OLFM3: variants seen among roughly 807,000 people sequenced by gnomAD.
OLFM3 encodes the protein noelin-3.
In OLFM3, 20 loss-of-function variants were observed where a neutral mutation model predicts 48.6. The ratio of observed to expected loss-of-function variants is 0.41; its 90% CI spans 0.29 to 0.60. OLFM3 has a LOEUF of 0.60. OLFM3 is among the 20% of genes least tolerant of loss of function. The probability of loss-of-function intolerance (pLI) is 0.28; values close to 1 mark genes in which losing one functional copy is unlikely to be tolerated. For missense variants in OLFM3, 437 were observed against 544.3 expected (o/e 0.80, Z 1.96); for synonymous variants, 222 against 198.1 (o/e 1.12, Z -1.01).
intron 1 of OLFM3, among the ~76,000 whole-genome samples, chr1:101,871,582 G>C (rs908983799): frequency 2.6e-5 from 4 of 151,994 alleles, no homozygotes; most frequent in African/African-American, 9.7e-5. Flanking sequence ...TCCTAAAACA[G>C]TTGAGAACTT....
intron 4 of OLFM3, among the ~76,000 whole-genome samples, chr1:101,811,470 G>A (rs1351956028): frequency 6.6e-6 from 1 of 151,996 alleles, no homozygotes; most frequent in East Asian, 1.9e-4. Context: ...AGAGCCTAAA[G>A]GAACTCAAAC....
chr1:101,986,128 G>A (rs1287633098), intron 1 of OLFM3, among the ~76,000 whole-genome samples: 1 of 151,940 alleles, frequency 6.6e-6, no homozygotes, highest in African/African-American at 2.4e-5. Flanking sequence ...ACCACGCCCG[G>A]CTAATTTTTT....
intron 3 of OLFM3, among the ~76,000 whole-genome samples, chr1:101,825,613 T>C (rs1654824094): frequency 6.6e-6 from 1 of 152,196 alleles, no homozygotes; most frequent in Non-Finnish European, 1.5e-5. Context: ...GCAGAATCCA[T>C]CTTCTAATTA....
chr1:101,832,857 ATATT>A (rs1655229813), intron 2 of OLFM3, among the ~76,000 whole-genome samples: 1 of 152,252 alleles, frequency 6.6e-6, no homozygotes, highest in Non-Finnish European at 1.5e-5. Flanking sequence ...AATTTTCAAA[ATATT>A]TAATCTAGCA....
chr1:101,910,090 TTG>T, intron 1 of OLFM3: 1 of 984,278 alleles, frequency 1.0e-6, no homozygotes, highest in South Asian at 4.7e-5. Flanking sequence ...TTCATATCCC[TTG>T]TCTCAGAGAA....
chr1:101,963,035 A>G (rs1194454392), intron 1 of OLFM3, among the ~76,000 whole-genome samples: 2 of 152,180 alleles, frequency 1.3e-5, no homozygotes, highest in African/African-American at 4.8e-5. Flanking sequence ...TCTTTCCTAC[A>G]GTTCAGTTGA....
chr1:101,975,460 G>T (rs376652614), intron 1 of OLFM3, among the ~76,000 whole-genome samples: 1 of 151,978 alleles, frequency 6.6e-6, no homozygotes, highest in African/African-American at 2.4e-5. Context: ...TTTTTGCGGC[G>T]GGTAGAGAAA....
intron 1 of OLFM3, among the ~76,000 whole-genome samples, chr1:101,957,438 A>G (rs894060480): frequency 1.3e-5 from 2 of 152,022 alleles, no homozygotes; most frequent in African/African-American, 4.8e-5. Context: ...GATGGCAAAA[A>G]TGGGAAAAAG....
chr1:101,847,256 C>T (rs1443325626), intron 1 of OLFM3, among the ~76,000 whole-genome samples: 1 of 152,016 alleles, frequency 6.6e-6, no homozygotes, highest in Non-Finnish European at 1.5e-5. Flanking sequence ...TGGAGGGAGG[C>T]GGAAACTTGA....
chr1:101,956,586 C>T (rs1183175141), intron 1 of OLFM3, among the ~76,000 whole-genome samples: 1 of 151,806 alleles, frequency 6.6e-6, no homozygotes, highest in Admixed American at 6.6e-5. Flanking sequence ...CTAGTGAATA[C>T]CTTCAACATT....
intron 1 of OLFM3, among the ~76,000 whole-genome samples, chr1:101,974,175 C>A (rs975439107): frequency 2.0e-5 from 3 of 150,852 alleles, no homozygotes; most frequent in Admixed American, 6.6e-5. Flanking sequence ...AAAAAAATGA[C>A]AAATTTAACA....
chr1:101,846,801 T>C, intron 1 of OLFM3: 1 of 1,439,704 alleles, frequency 6.9e-7, no homozygotes, highest in Non-Finnish European at 9.8e-7. Flanking sequence ...GCCCACTAAA[T>C]GCACTTACTT....
chr1:101,954,265 T>G (rs1053097546), intron 1 of OLFM3, among the ~76,000 whole-genome samples: 1 of 152,126 alleles, frequency 6.6e-6, no homozygotes, highest in East Asian at 1.9e-4. Flanking sequence ...TGTCACAGAA[T>G]GAAATAAATT....
chr1:101,836,567 C>G (rs1021667511), intron 2 of OLFM3, among the ~76,000 whole-genome samples: 2 of 149,494 alleles, frequency 1.3e-5, no homozygotes, highest in Non-Finnish European at 3.0e-5. Context: ...GAGAGTGGAG[C>G]TGAATTTTTG....
intron 1 of OLFM3, among the ~76,000 whole-genome samples, chr1:101,916,875 A>T (rs893910153): frequency 2.6e-5 from 4 of 152,144 alleles, no homozygotes; most frequent in African/African-American, 9.7e-5. Context: ...CATGAATTAG[A>T]TTTTACAATA....
At chr1:101,828,685 T>C (rs1655002625) in intron 3 of OLFM3, among the ~76,000 whole-genome samples, 1 of 152,198 alleles carries the variant, frequency 6.6e-6, no homozygotes, top group Admixed American at 6.5e-5. Context: ...CTGTCAACCC[T>C]GACACTCTCA....
intron 1 of OLFM3, among the ~76,000 whole-genome samples, chr1:101,858,112 T>C (rs1656504373): frequency 6.6e-6 from 1 of 152,086 alleles, no homozygotes; most frequent in South Asian, 2.1e-4. Flanking sequence ...GTGAACCTCA[T>C]TAATAGCTTT....
At chr1:101,978,561 TA>T (rs924945918) in intron 1 of OLFM3, among the ~76,000 whole-genome samples, 15 of 152,166 alleles carry the variant, frequency 9.9e-5, no homozygotes, top group African/African-American at 3.1e-4. Flanking sequence ...AAAGTGCATT[TA>T]AAAAATTATG....
At chr1:101,880,091 C>A (rs975682058) in intron 1 of OLFM3, among the ~76,000 whole-genome samples, 2 of 151,852 alleles carry the variant, frequency 1.3e-5, no homozygotes, top group Non-Finnish European at 2.9e-5. Flanking sequence ...TAGAGATTAA[C>A]TATTTCTTCA....
Sources: allele counts gnomAD v4.1 joint callset (sites outside exome capture counted in the v4.1 genomes callset), GRCh38; gene constraint gnomAD v4.1.1; transcripts MANE v1.5; gene names NCBI Gene and HGNC (gene_info 2026-07-23, HGNC 2026-07-21).